Variants in PKM observed in about 807,000 individuals in gnomAD.
PKM encodes pyruvate kinase M1/2, also known as pyruvate kinase PKM.
In PKM, 18 loss-of-function variants were observed where a neutral mutation model predicts 49.8. The ratio of observed to expected loss-of-function variants is 0.36; its 90% CI spans 0.25 to 0.54. PKM has a LOEUF of 0.54. Ranked by LOEUF, PKM falls within the 20% of genes least tolerant of loss-of-function variation. The pLI is 0.89. For missense variants in PKM, 508 were observed against 713.8 expected (o/e 0.71, Z 3.28); for synonymous variants, 239 against 261.8 (o/e 0.91, Z 0.84).
At chr15:72,213,703 T>C (rs562497920) in intron 3 of PKM, among the ~76,000 whole-genome samples, 1 of 152,342 alleles carries the variant, frequency 6.6e-6, no homozygotes, top group African/African-American at 2.4e-5. Context: ...AGTGCTGGGA[T>C]TGCAGGTGTG....
chr15:72,203,910 C>T (rs2082007894), intron 8 of PKM: 1 of 152,336 alleles, frequency 6.6e-6, no homozygotes, highest in Admixed American at 6.5e-5. Flanking sequence ...GAGAAAGCCA[C>T]TGAGTTATTT....
At chr15:72,221,057 G>A (rs2082508273) in intron 1 of PKM, 1 of 712,412 alleles carries the variant, frequency 1.4e-6, no homozygotes, top group African/African-American at 1.7e-5. Flanking sequence ...AAGTGGGTTG[G>A]AGTAACTAAT....
chr15:72,231,030 G>GGGCC (rs1567139866), intron 1 of PKM, 86 bp downstream of exon 1: 1 of 1,150,720 alleles, frequency 8.7e-7, no homozygotes, highest in Non-Finnish European at 1.2e-6. Context: ...TGCGTGCCCG[G>GGGCC]GGCCGGCCGG....
intron 1 of PKM, among the ~76,000 whole-genome samples, chr15:72,227,174 C>T (rs1463700097): frequency 6.6e-6 from 1 of 152,254 alleles, no homozygotes; most frequent in Non-Finnish European, 1.5e-5. Flanking sequence ...TTGTTTAGCT[C>T]TATTCCCATC....
chr15:72,227,775 C>CAAAA (rs1394942000), intron 1 of PKM, among the ~76,000 whole-genome samples: 2 of 43,550 alleles, frequency 4.6e-5, no homozygotes, highest in African/African-American at 6.8e-5. Context: ...AAAAAAAAAA[C>CAAAA]AAAAAACTGA....
chr15:72,207,619 C>T (rs2082119682), intron 6 of PKM, among the ~76,000 whole-genome samples: 1 of 152,244 alleles, frequency 6.6e-6, no homozygotes, highest in Non-Finnish European at 1.5e-5. Context: ...TTCCAATCAG[C>T]ACTTCAAGAC....
intron 1 of PKM, among the ~76,000 whole-genome samples, chr15:72,225,707 C>A (rs1384395991): frequency 6.6e-6 from 1 of 152,206 alleles, no homozygotes; most frequent in Non-Finnish European, 1.5e-5. Context: ...TTCATTTAAG[C>A]TGTTACACTA....
At chr15:72,209,949 G>A in intron 4 of PKM, 90 bp from the exon 5 acceptor site, 2 of 1,086,490 alleles carry the variant, frequency 1.8e-6, no homozygotes, top group South Asian at 2.5e-5. Context: ...TTCCTCCCGG[G>A]AACAATGCTC....
At chr15:72,210,626 G>T in intron 3 of PKM, 148 bp from the exon 4 acceptor site, 1 of 880,200 alleles carries the variant, frequency 1.1e-6, no homozygotes, top group Non-Finnish European at 1.8e-6. Context: ...TCCATGCACT[G>T]AGAAATCCTC....
At chr15:72,219,183 G>A in intron 1 of PKM, 73 bp from the exon 2 acceptor site, 1 of 1,382,378 alleles carries the variant, frequency 7.2e-7, no homozygotes, top group South Asian at 1.3e-5. Context: ...ACAGAAGGCT[G>A]TCTCCTGCTT....
intron 1 of PKM, among the ~76,000 whole-genome samples, chr15:72,224,849 CTG>C (rs2082619789): frequency 6.8e-6 from 1 of 147,552 alleles, no homozygotes; most frequent in African/African-American, 2.5e-5. Flanking sequence ...GTGAAAAACT[CTG>C]TCTCAGAAAA....
intron 1 of PKM, chr15:72,230,896 C>A: frequency 7.8e-7 from 1 of 1,282,770 alleles, no homozygotes; most frequent in Non-Finnish European, 1.0e-6. Flanking sequence ...GCCGGCGGAC[C>A]CGCCTGATCT....
At chr15:72,219,170 A>T in intron 1 of PKM, 60 bp from the exon 2 acceptor site, 1 of 1,473,690 alleles carries the variant, frequency 6.8e-7, no homozygotes, top group South Asian at 1.2e-5. Flanking sequence ...TATACCATTT[A>T]GCACAGAAGG....
intron 3 of PKM, 124 bp from the exon 4 acceptor site, chr15:72,210,602 C>T: frequency 9.6e-7 from 1 of 1,041,082 alleles, no homozygotes. Context: ...GCTCTATCTC[C>T]ATCCTCAGCA....
intron 1 of PKM, among the ~76,000 whole-genome samples, chr15:72,224,525 A>G (rs191298174): frequency 1.3e-5 from 2 of 152,312 alleles, no homozygotes; most frequent in Admixed American, 1.3e-4. Flanking sequence ...TAAAGAAAAA[A>G]AAGTTTTAAC....
At position 72,217,496 on chromosome 15, in the gene PKM, T is replaced by G. The variant is rs1221608734; in HGVS notation, c.159A>C (p.Pro53=). 6.3e-7 allele frequency: 1 copy of G among 1,599,630 alleles called. No individual in the cohort carries two copies. Among genetic ancestry groups the G allele is most frequent in the African/African-American group, 1.3e-5 (1 of 74,798 alleles). ...TCAACGTCTCCACTGATCGGGAAGC[T>G]GGGCCTATTAGGAAAAGTTTTAAAG... ...RNTGIICTIG[P]ASRSVETLKE... The change falls in exon 3 of 11, where the codon CCA becomes CCC. Residue 53 remains proline (P), a synonymous_variant. Coordinates refer to ENST00000335181, the MANE Select transcript of PKM (RefSeq NM_002654.6).
In PKM at chr15:72,210,277, G is replaced by C. The variant is rs569580239; in HGVS notation, c.378+70C>G. 619 of 1,541,416 alleles carry C rather than the reference G, an allele frequency of 4.0e-4. 7 individuals are homozygous for C. The South Asian group carries it at 6.7e-3, about 17-fold the overall frequency. ...CTGGGAAGAAACATGGCAACCCAGC[G>C]CTTTGGAGGACATGTCTCTGGGGCA... On this transcript the variant is annotated intron_variant, in intron 4 of 10. Transcript: ENST00000335181.
At chr15:72,231,259 C>G (rs2140845772), upstream of PKM, 1 of 161,086 alleles carries the variant, frequency 6.2e-6, no homozygotes, top group East Asian at 1.9e-4. Context: ...CCGCCCCGCC[C>G]TCTGCCCAAT....
At chr15:72,229,803 G>A in intron 1 of PKM, 1 of 682,394 alleles carries the variant, frequency 1.5e-6, no homozygotes, top group East Asian at 8.5e-5. Context: ...TTTGCGTTCA[G>A]TGAACGCGAC....
Sources: gnomAD v4.1 joint callset for allele counts (sites outside exome capture counted in the v4.1 genomes callset) on GRCh38, gnomAD v4.1.1 for gene constraint, MANE v1.5 for transcripts, NCBI Gene and HGNC (gene_info 2026-07-23, HGNC 2026-07-21) for gene names.